The following TSEN15 variants were observed in gnomAD, a reference collection of about 807,000 sequenced individuals.
TSEN15 encodes tRNA-splicing endonuclease subunit Sen15.
TSEN15 carries 10 observed loss-of-function variants against 20.5 expected under a neutral mutation model. The observed-to-expected ratio is 0.49, with a 90% CI of 0.30 to 0.83. The LOEUF (loss-of-function observed/expected upper bound fraction) is 0.83, where lower values mean the gene tolerates loss of function less well. TSEN15 is among the 40% of genes least tolerant of loss of function. TSEN15 has a pLI of 0.06. For synonymous variants in TSEN15, 72 were observed against 80.1 expected, an observed-to-expected ratio of 0.90 and a Z score of 0.54; for missense variants, 180 against 218.6, an observed-to-expected ratio of 0.82 and a Z score of 1.11.
intron 3 of TSEN15, among the ~76,000 whole-genome samples, chr1:184,090,050 C>A: frequency 6.6e-6 from 1 of 152,152 alleles, no homozygotes; most frequent in Non-Finnish European, 1.5e-5. Context: ...TTATTCATAA[C>A]AGTCAGACTA....
chr1:184,077,869 C>G (rs1208553471), downstream of TSEN15, among the ~76,000 whole-genome samples: 4 of 152,128 alleles, frequency 2.6e-5, no homozygotes, highest in Non-Finnish European at 2.9e-5. Context: ...TATGGATGAG[C>G]AAAGAGTGGT....
At chr1:184,085,461 A>T (rs1424207424) in intron 3 of TSEN15, among the ~76,000 whole-genome samples, 1 of 152,258 alleles carries the variant, frequency 6.6e-6, no homozygotes, top group African/African-American at 2.4e-5. Flanking sequence ...GAAAATAAAC[A>T]AATGAATACA....
intron 3 of TSEN15, chr1:184,093,899 A>T (rs1651401867): frequency 6.6e-6 from 1 of 152,204 alleles, no homozygotes; most frequent in South Asian, 2.1e-4. Context: ...TGCTTAATAT[A>T]AATCTTTCTA....
downstream of TSEN15, among the ~76,000 whole-genome samples, chr1:184,076,453 C>T (rs1042587385): frequency 6.6e-6 from 1 of 152,108 alleles, no homozygotes. Context: ...CTTCTGGCCT[C>T]CCTATTCCCT....
intron 3 of TSEN15, among the ~76,000 whole-genome samples, chr1:184,066,309 G>C (rs1219409791): frequency 6.6e-6 from 1 of 151,072 alleles, no homozygotes; most frequent in Non-Finnish European, 1.5e-5. Flanking sequence ...TCAATTCTGA[G>C]CTCTCTATTC....
chr1:184,083,192 C>T (rs1651200279), intron 3 of TSEN15, among the ~76,000 whole-genome samples: 1 of 152,112 alleles, frequency 6.6e-6, no homozygotes, highest in South Asian at 2.1e-4. Flanking sequence ...CCTGCCATTC[C>T]AGTGGCAGGG....
At chr1:184,089,858 C>T (rs1651327186) in intron 3 of TSEN15, among the ~76,000 whole-genome samples, 3 of 152,222 alleles carry the variant, frequency 2.0e-5, no homozygotes, top group South Asian at 2.1e-4. Flanking sequence ...AGAAGAGAAG[C>T]GATGCTTCCC....
chr1:184,076,470 C>G (rs1369849522), downstream of TSEN15, among the ~76,000 whole-genome samples: 1 of 152,082 alleles, frequency 6.6e-6, no homozygotes, highest in African/African-American at 2.4e-5. Flanking sequence ...CCCTGAGAAA[C>G]AGCAATATTG....
chr1:184,055,177 A>G (rs1253988671), intron 3 of TSEN15: 2 of 212,012 alleles, frequency 9.4e-6, no homozygotes, highest in Non-Finnish European at 1.9e-5. Flanking sequence ...GCTTATAATC[A>G]TGGAGGAAGT....
intron 3 of TSEN15, among the ~76,000 whole-genome samples, chr1:184,085,791 G>C (rs1209165457): frequency 6.6e-6 from 1 of 152,102 alleles, no homozygotes; most frequent in Non-Finnish European, 1.5e-5. Flanking sequence ...AGTAGTAAGG[G>C]TATAGACTAG....
Position 184,054,881 on chromosome 1 carries a change from G to A in TSEN15, c.353+18G>A, listed in dbSNP as rs765679627. Reference sequence around the variant, plus strand: ...CATAACAGGTGAGCAGGTGATTTTGGTCTAAGTTCCTTTCCCGAGTAAAGC... The same window carrying A: ...CATAACAGGTGAGCAGGTGATTTTGATCTAAGTTCCTTTCCCGAGTAAAGC... On this transcript the variant is annotated intron_variant, in intron 3 of 4. Transcript: ENST00000645668. 4 of 1,604,068 alleles carry A rather than the reference G, an allele frequency of 2.5e-6. No individual in the cohort carries two copies. The highest frequency in any genetic ancestry group is 1.7e-5 in the Admixed American group (1 of 57,926).
At chr1:184,052,774 A>G (rs1173656455) in intron 1 of TSEN15, among the ~76,000 whole-genome samples, 1 of 152,168 alleles carries the variant, frequency 6.6e-6, no homozygotes, top group Non-Finnish European at 1.5e-5. Flanking sequence ...ATAGCATGGA[A>G]ATATTATTTA....
chr1:184,085,354 G>C (rs890511906), intron 3 of TSEN15, among the ~76,000 whole-genome samples: 1 of 152,194 alleles, frequency 6.6e-6, no homozygotes, highest in Non-Finnish European at 1.5e-5. Context: ...CTATATTACA[G>C]TGGGGGATAT....
At chr1:184,091,926 G>T (rs935083535) in intron 3 of TSEN15, among the ~76,000 whole-genome samples, 3 of 152,192 alleles carry the variant, frequency 2.0e-5, no homozygotes, top group Non-Finnish European at 2.9e-5. Flanking sequence ...TGAAGTGGAG[G>T]TTAATGTAAG....
intron 3 of TSEN15, chr1:184,070,658 A>T: frequency 7.7e-7 from 1 of 1,290,578 alleles, no homozygotes; most frequent in Non-Finnish European, 1.0e-6. Flanking sequence ...ACTTAGCTAC[A>T]TTAAAAGATT....
rs141969838 is a variant in TSEN15 at position 184,061,096 on chromosome 1, G to A, written c.353+6233G>A. Among the ~76,000 whole-genome samples, 469 of 152,102 alleles carry A rather than the reference G, an allele frequency of 3.1e-3. 2 individuals carry two copies. Among genetic ancestry groups the A allele is most frequent in the African/African-American group, 7.4e-3 (306 of 41,492 alleles). Reference sequence around the variant, plus strand: ...TCCCAGGACCTCTTAGTGCTAATTTGTCTTTTGACTCTCACTCAAGAAAGA... The same window carrying A: ...TCCCAGGACCTCTTAGTGCTAATTTATCTTTTGACTCTCACTCAAGAAAGA... On this transcript the variant is annotated intron_variant, in intron 3 of 4. Coordinates refer to ENST00000645668, the MANE Select transcript of TSEN15 (RefSeq NM_052965.4).
Position 184,095,036 on chromosome 1 carries a change from G to A in TSEN15, c.354-654G>A, listed in dbSNP as rs547674159. On this transcript the variant is annotated intron_variant, in intron 3 of 3. Transcript: ENST00000643231. ...TGTTTTACACATTTATCCAGATCAG[G>A]ACCTGGAAGGGAAGACCTCCTTCAC... is the stretch of plus-strand genomic sequence containing the variant. The A allele has an allele frequency of 4.5e-5, 18 of 398,630 alleles. 1 individual carries two copies. The South Asian group carries it at 2.2e-3, about 48-fold the overall frequency. 24.7% of individuals were successfully genotyped at this position (398,630 alleles called of 1,614,324 possible). A position where few individuals can be genotyped will look rare whatever the true frequency, so the allele number is the denominator to read the frequency against.
Position 184,057,506 on chromosome 1 carries a change from T to C in TSEN15, c.353+2643T>C, listed in dbSNP as rs148492963. Among the ~76,000 whole-genome samples, 133 of 152,292 alleles carry C rather than the reference T, an allele frequency of 8.7e-4. 1 individual carries two copies. The highest frequency in any genetic ancestry group is 3.1e-3 in the African/African-American group (129 of 41,576). On this transcript the variant is annotated intron_variant, in intron 3 of 4. Coordinates refer to ENST00000645668, the MANE Select transcript of TSEN15 (RefSeq NM_052965.4). ...CCCCAGACTATAAAGTCTTAAGACCTGGGTTCTAGTCTTGGGACTGACACT... is the reference window on the plus strand; with the variant it reads ...CCCCAGACTATAAAGTCTTAAGACCCGGGTTCTAGTCTTGGGACTGACACT...
At chr1:184,070,568 G>T in intron 3 of TSEN15, 2 of 890,182 alleles carry the variant, frequency 2.2e-6, no homozygotes, top group South Asian at 1.7e-5. Context: ...ATTAATTCAA[G>T]ATGGACAGCC....
Sources: gnomAD v4.1 joint callset for allele counts (sites outside exome capture counted in the v4.1 genomes callset) on GRCh38, gnomAD v4.1.1 for gene constraint, MANE v1.5 for transcripts, NCBI Gene and HGNC (gene_info 2026-07-23, HGNC 2026-07-21) for gene names.